Variants in TCOF1 observed in about 807,000 individuals in gnomAD.
The protein encoded by TCOF1 is treacle ribosome biogenesis factor 1.
In TCOF1, 33 loss-of-function variants were observed where a neutral mutation model predicts 149.0. That is an observed-to-expected ratio of 0.22 (90% CI 0.17 to 0.30). TCOF1 has a LOEUF of 0.30. Ranked by LOEUF, TCOF1 falls within the 10% of genes least tolerant of loss-of-function variation. TCOF1 has a pLI of 1.00. For missense variants in TCOF1, 1,728 were observed against 1,840.7 expected, an observed-to-expected ratio of 0.94 and a Z score of 1.12; for synonymous variants, 789 against 738.8, an observed-to-expected ratio of 1.07 and a Z score of -1.10.
In TCOF1 at chr5:150,398,072, A is replaced by G. The variant is rs560015342; in HGVS notation, c.4346-282A>G. Among the ~76,000 whole-genome samples the G allele has an allele frequency of 2.8e-4, 43 of 152,286 alleles. No homozygotes were observed. The South Asian group carries it at 8.1e-3, about 29-fold the overall frequency. On this transcript the variant is annotated intron_variant, in intron 24 of 26. Coordinates refer to ENST00000643257, the MANE Select transcript of TCOF1 (RefSeq NM_001371623.1). ...CAAATAGCTGGGACCACAGGCGTGCACCACCATCCCCAGCTAATTTTTGTA... is the reference window on the plus strand; with the variant it reads ...CAAATAGCTGGGACCACAGGCGTGCGCCACCATCCCCAGCTAATTTTTGTA...
At chr5:150,383,214 C>T (rs1344114340) in intron 17 of TCOF1, 8 of 1,506,898 alleles carry the variant, frequency 5.3e-6, no homozygotes, top group South Asian at 1.2e-5. Flanking sequence ...AGGATCAGAG[C>T]TGGGCTGGCA....
At chr5:150,369,469 G>A (rs1436712803) in intron 5 of TCOF1, 60 bp from the exon 6 acceptor site, 1 of 1,595,806 alleles carries the variant, frequency 6.3e-7, no homozygotes. Context: ...GGAGGTGCTG[G>A]GGAGGGGCAG....
In TCOF1 at chr5:150,388,017, G is replaced by A. The variant is rs374427907; in HGVS notation, c.2975G>A (p.Ser992Asn). Residue 992 changes from serine (S) to asparagine (N), a missense_variant, in exon 18 of 27, where the codon AGC becomes AAC. This residue lies in a region of TCOF1 where 1,696 missense variants were observed against 1,765.4 expected (regional missense o/e 0.96). Transcript: ENST00000643257. ...CCGAGGAAGGCCCGAGCCTCGGAGA[G>A]CACAGCCAGGAGCTCCTCCTCCGAG... ...STPRKARASESTARSSSSESE... is the reference protein window; with the variant it reads ...STPRKARASENTARSSSSESE... The A allele has an allele frequency of 6.2e-7, 1 of 1,613,870 alleles. No homozygotes were observed. Among genetic ancestry groups the A allele is most frequent in the South Asian group, 1.1e-5 (1 of 91,070 alleles).
chr5:150,389,874 C>T lies in TCOF1; in HGVS notation c.3047-13C>T, dbSNP rs368607120. 6 of 1,614,202 alleles carry T rather than the reference C, an allele frequency of 3.7e-6. No homozygotes were observed. The highest frequency in any genetic ancestry group is 5.1e-6 in the Non-Finnish European group (6 of 1,180,034). On this transcript the variant is annotated splice_polypyrimidine_tract_variant and intron_variant, in intron 18 of 26. Coordinates refer to ENST00000643257, the MANE Select transcript of TCOF1 (RefSeq NM_001371623.1). Reference sequence around the variant, plus strand: ...TTTGTGCCCTGATGTGCCCCCATCTCGCTCCATTTCAGGCATCAGAACCAA... The same window carrying T: ...TTTGTGCCCTGATGTGCCCCCATCTTGCTCCATTTCAGGCATCAGAACCAA...
chr5:150,375,630 A>C lies in TCOF1; in HGVS notation c.1704+76A>C, dbSNP rs1004771661. 3 of 1,611,938 alleles carry C rather than the reference A, an allele frequency of 1.9e-6. No individual in the cohort carries two copies. In the African/African-American group the frequency reaches 4.0e-5, roughly 22 times the overall value. ...GAGCTGCCTGTGGCCTCCCAACCTCACACTGGGACTCTGTCTACAATCTTA... is the reference window on the plus strand; with the variant it reads ...GAGCTGCCTGTGGCCTCCCAACCTCCCACTGGGACTCTGTCTACAATCTTA... On this transcript the variant is annotated intron_variant, in intron 11 of 26. Coordinates refer to ENST00000643257, the MANE Select transcript of TCOF1 (RefSeq NM_001371623.1).
At chr5:150,361,719 C>T (rs1408165038) in intron 2 of TCOF1, among the ~76,000 whole-genome samples, 1 of 152,084 alleles carries the variant, frequency 6.6e-6, no homozygotes, top group Admixed American at 6.5e-5. Context: ...GGGAAGCTTC[C>T]CTGAGGTGAT....
chr5:150,392,109 C>T lies in TCOF1; in HGVS notation c.3450C>T (p.Ser1150=), dbSNP rs554119837. 7.4e-6 allele frequency: 12 copies of T among 1,614,222 alleles called. No homozygotes were observed. The highest frequency in any genetic ancestry group is 1.6e-4 in the Middle Eastern group (1 of 6,062). The stretch of plus-strand genomic sequence containing the variant: ...GCTCAGATGACAGTGAGGACAGCAG[C>T]GACAGTTCTTCAGGGAGTGAGGAAG... ...PESSDDSEDS[S]DSSSGSEEDG... The change falls in exon 21 of 27, where the codon AGC becomes AGT. Residue 1150 remains serine, a synonymous_variant. Transcript: ENST00000643257.
Position 150,372,244 on chromosome 5 carries a change from C to T in TCOF1, c.870+8C>T. On this transcript the variant is annotated splice_region_variant and intron_variant, in intron 7 of 26. Coordinates refer to ENST00000643257, the MANE Select transcript of TCOF1 (RefSeq NM_001371623.1). ...GCAGGGACACGAAGCCAGGTGAGGC[C>T]TGGAGGAGGGCTGCCCCTTGGAGGA... The T allele has an allele frequency of 1.9e-6, 3 of 1,603,276 alleles. No individual in the cohort carries two copies. The highest frequency in any genetic ancestry group is 2.6e-6 in the Non-Finnish European group (3 of 1,175,314).
chr5:150,380,337 A>C (rs75390349), intron 17 of TCOF1: 7 of 162,950 alleles, frequency 4.3e-5, no homozygotes, highest in Non-Finnish European at 8.2e-5. Context: ...ACCAAGGCAT[A>C]TGAGACCAAG....
Position 150,392,774 on chromosome 5 carries a change from T to C in TCOF1, c.3587T>C (p.Val1196Ala). 1 of 1,613,910 alleles carries C rather than the reference T, an allele frequency of 6.2e-7. No homozygotes were observed. Among genetic ancestry groups the C allele is most frequent in the African/African-American group, 1.3e-5 (1 of 75,038 alleles). ...ETAAESSEDD[V>A]VAPSQSLLSG... ...GCAGCAGAGTCCAGCGAGGATGATG[T>C]GGTGGCGCCATCCCAGGTAACTGCA... is the stretch of plus-strand genomic sequence containing the variant. Residue 1196 changes from valine (V) to alanine (A), a missense_variant, in exon 22 of 27, where the codon GTG becomes GCG. Val to Ala is a moderately conservative substitution (Grantham distance 64, BLOSUM62 0). This residue lies in a region of TCOF1 where 1,696 missense variants were observed against 1,765.4 expected (regional missense o/e 0.96). Transcript: ENST00000643257.
chr5:150,369,642 C>A, intron 6 of TCOF1, 40 bp downstream of exon 6: 1 of 1,608,844 alleles, frequency 6.2e-7, no homozygotes, highest in Non-Finnish European at 8.5e-7. Context: ...CTCTCCCAGC[C>A]TCTAACCCTT....
At chr5:150,375,599 A>G (rs1476332749) in intron 11 of TCOF1, 45 bp downstream of exon 11, 3 of 1,613,358 alleles carry the variant, frequency 1.9e-6, no homozygotes, top group Non-Finnish European at 2.5e-6. Context: ...CCCCCCACTC[A>G]GAGTGGAGCT....
chr5:150,375,472 GGGA>G lies in TCOF1; in HGVS notation c.1629_1631del (p.Glu543del), dbSNP rs1159384975. On this transcript the variant is annotated inframe_deletion, in exon 11 of 27. Coordinates refer to ENST00000643257, the MANE Select transcript of TCOF1 (RefSeq NM_001371623.1). ...ACCCCCTCAGCCCAGGTGGGGAAGT[GGGA>G]GGAGGACTCAGAGAGCAGTAGTGAG... 13 of 1,614,012 alleles carry G rather than the reference GGGA, an allele frequency of 8.1e-6. No individual in the cohort carries two copies. Among genetic ancestry groups the G allele is most frequent in the Non-Finnish European group, 1.1e-5 (13 of 1,179,964 alleles).
At chr5:150,398,481 G>A in intron 25 of TCOF1, 30 bp downstream of exon 25, 2 of 1,613,886 alleles carry the variant, frequency 1.2e-6, no homozygotes, top group African/African-American at 1.3e-5. Flanking sequence ...TCTCAGGCCA[G>A]AAAACAGACC....
At chr5:150,393,852 A>C in intron 23 of TCOF1, 1 of 412,222 alleles carries the variant, frequency 2.4e-6, no homozygotes, top group Non-Finnish European at 4.6e-6. Context: ...CATCTCTAAA[A>C]TTTATTTTAA....
At position 150,392,787 on chromosome 5, in the gene TCOF1, C is replaced by T; in HGVS notation, c.3600C>T (p.Ser1200=). ...ESSEDDVVAP[S]QSLLSGYMTP... ...GCGAGGATGATGTGGTGGCGCCATC[C>T]CAGGTAACTGCAAGGGAGAGGACTG... Residue 1200 remains serine, a synonymous_variant, in exon 22 of 27, where the codon TCC becomes TCT. Transcript: ENST00000643257. 6.2e-7 allele frequency: 1 copy of T among 1,613,948 alleles called. No individual in the cohort carries two copies. The highest frequency in any genetic ancestry group is 1.1e-5 in the South Asian group (1 of 91,058).
intron 1 of TCOF1, 121 bp from the exon 2 acceptor site, chr5:150,361,035 C>G (rs966400151): frequency 1.1e-4 from 153 of 1,333,288 alleles, no homozygotes; most frequent in Non-Finnish European, 1.6e-4. Flanking sequence ...CATGCCCAGC[C>G]AAAAAGACCC....
intron 17 of TCOF1, among the ~76,000 whole-genome samples, chr5:150,385,742 G>T (rs2150951958): frequency 6.6e-6 from 1 of 152,294 alleles, no homozygotes; most frequent in African/African-American, 2.4e-5. Context: ...GTTTGGTTCT[G>T]CAGGCATCAG....
Position 150,388,013 on chromosome 5 carries a change from G to C in TCOF1, c.2971G>C (p.Glu991Gln), listed in dbSNP as rs1766627754. 1.2e-6 allele frequency: 2 copies of C among 1,613,864 alleles called. No homozygotes were observed. Among genetic ancestry groups the C allele is most frequent in the East Asian group, 4.5e-5 (2 of 44,880 alleles). ...ASTPRKARAS[E>Q]STARSSSSES... ...CACCCCGAGGAAGGCCCGAGCCTCGGAGAGCACAGCCAGGAGCTCCTCCTC... is the reference window on the plus strand; with the variant it reads ...CACCCCGAGGAAGGCCCGAGCCTCGCAGAGCACAGCCAGGAGCTCCTCCTC... Residue 991 changes from glutamate (E) to glutamine (Q), a missense_variant, in exon 18 of 27, where the codon GAG becomes CAG. Around this residue, in one of 2 missense-constraint regions of TCOF1, gnomAD observed 1,696 missense variants for 1,765.4 expected, o/e 0.96. Coordinates refer to ENST00000643257, the MANE Select transcript of TCOF1 (RefSeq NM_001371623.1).
Sources: allele counts gnomAD v4.1 joint callset (sites outside exome capture counted in the v4.1 genomes callset), GRCh38; gene constraint gnomAD v4.1.1; regional missense constraint gnomAD v4.1.1; transcripts MANE v1.5; gene names NCBI Gene and HGNC (gene_info 2026-07-23, HGNC 2026-07-21).